Variants in CDH13 observed in about 807,000 individuals in gnomAD.
CDH13 encodes cadherin-13.
A neutral mutation model predicts 63.8 loss-of-function variants in CDH13; 24 were observed. That is an observed-to-expected ratio of 0.38 (90% confidence interval 0.27 to 0.53). The LOEUF (loss-of-function observed/expected upper bound fraction) is 0.53. Ranked by LOEUF, CDH13 falls within the 20% of genes least tolerant of loss-of-function variation. The pLI, the probability that CDH13 is intolerant of heterozygous loss-of-function variation, is 0.85. For missense variants in CDH13, 1,049 were observed against 903.1 expected (o/e 1.16, Z -2.07); for synonymous variants, 503 against 355.3 (o/e 1.42, Z -4.67).
chr16:82,849,096 C>G (rs78028820), intron 1 of CDH13, among the ~76,000 whole-genome samples: 573 of 152,302 alleles, frequency 3.8e-3, no homozygotes, highest in Middle Eastern at 6.8e-3. Context: ...AAGGCCTTAA[C>G]TCTATTCAAT....
chr16:83,128,326 G>C (rs1057415540), intron 4 of CDH13, among the ~76,000 whole-genome samples: 1 of 152,194 alleles, frequency 6.6e-6, no homozygotes, highest in Non-Finnish European at 1.5e-5. Context: ...CTGGGAGCTT[G>C]CTAGAAATGC....
chr16:82,820,760 C>G (rs543672047), intron 1 of CDH13, among the ~76,000 whole-genome samples: 2 of 152,290 alleles, frequency 1.3e-5, no homozygotes, highest in African/African-American at 4.8e-5. Context: ...AAAAGACATT[C>G]TTTATTAAGG....
intron 5 of CDH13, among the ~76,000 whole-genome samples, chr16:83,231,488 C>G (rs1178708072): frequency 6.6e-6 from 1 of 152,080 alleles, no homozygotes; most frequent in Non-Finnish European, 1.5e-5. Flanking sequence ...GTAGTGAGTC[C>G]CCTCATGGTT....
intron 7 of CDH13, among the ~76,000 whole-genome samples, chr16:83,597,253 TA>T (rs1355324202): frequency 3.3e-5 from 5 of 151,890 alleles, no homozygotes; most frequent in Non-Finnish European, 7.4e-5. Flanking sequence ...AGTAGAAACT[TA>T]GAAGCAACCC....
chr16:83,290,889 C>G (rs76156032), intron 5 of CDH13, among the ~76,000 whole-genome samples: 19 of 152,024 alleles, frequency 1.2e-4, no homozygotes, highest in Admixed American at 1.0e-3. Flanking sequence ...ATGTTTTTTT[C>G]CCATCTCTAC....
At chr16:83,624,806 C>T (rs748043023) in intron 8 of CDH13, among the ~76,000 whole-genome samples, 1 of 152,118 alleles carries the variant, frequency 6.6e-6, no homozygotes, top group Non-Finnish European at 1.5e-5. Flanking sequence ...TGTGGTGGTT[C>T]CCTGAAGAAA....
intron 3 of CDH13, among the ~76,000 whole-genome samples, chr16:83,119,992 T>C (rs1031681181): frequency 6.6e-6 from 1 of 152,158 alleles, no homozygotes; most frequent in African/African-American, 2.4e-5. Flanking sequence ...TTTCTCCTAA[T>C]GTCAGACAAA....
chr16:82,831,928 G>C (rs1487834258), intron 1 of CDH13, among the ~76,000 whole-genome samples: 1 of 152,154 alleles, frequency 6.6e-6, no homozygotes, highest in Non-Finnish European at 1.5e-5. Flanking sequence ...ATTACATCAA[G>C]GATGACCTTT....
intron 2 of CDH13, among the ~76,000 whole-genome samples, chr16:82,967,042 A>G (rs1907943937): frequency 6.6e-6 from 1 of 152,192 alleles, no homozygotes; most frequent in Admixed American, 6.5e-5. Flanking sequence ...TTTAATCTGG[A>G]AAAGTTCTTC....
intron 2 of CDH13, among the ~76,000 whole-genome samples, chr16:82,914,205 A>G (rs1425366952): frequency 1.3e-5 from 2 of 152,052 alleles, no homozygotes; most frequent in African/African-American, 4.8e-5. Context: ...AACTGATACC[A>G]CCGCCATGCA....
At chr16:83,175,412 C>T (rs4404057) in intron 4 of CDH13, among the ~76,000 whole-genome samples, 34,011 of 151,960 alleles carry the variant, frequency 0.22, 4,124 homozygotes, top group Non-Finnish European at 0.25. Context: ...ACTATTAATT[C>T]GGCTCTGTTT....
intron 1 of CDH13, among the ~76,000 whole-genome samples, chr16:82,692,315 T>C (rs888264406): frequency 1.3e-5 from 2 of 152,222 alleles, no homozygotes; most frequent in African/African-American, 2.4e-5. Context: ...AGTAAAGACA[T>C]ACCCGAGGCT....
intron 5 of CDH13, among the ~76,000 whole-genome samples, chr16:83,226,360 G>A (rs1300714701): frequency 6.6e-6 from 1 of 152,104 alleles, no homozygotes; most frequent in Non-Finnish European, 1.5e-5. Flanking sequence ...CCTCACTCAG[G>A]GCTATGGAAA....
At chr16:83,511,767 G>A (rs1019833756) in intron 7 of CDH13, among the ~76,000 whole-genome samples, 16 of 152,174 alleles carry the variant, frequency 1.1e-4, no homozygotes, top group African/African-American at 3.9e-4. Flanking sequence ...GGCAAAGGTA[G>A]GATCCTTAGA....
intron 5 of CDH13, among the ~76,000 whole-genome samples, chr16:83,343,371 C>G (rs1225635877): frequency 8.5e-5 from 13 of 152,194 alleles, no homozygotes; most frequent in Non-Finnish European, 1.8e-4. Context: ...ATTCCTTCAA[C>G]TAGTTCCCTT....
intron 7 of CDH13, among the ~76,000 whole-genome samples, chr16:83,564,398 CTT>C (rs1213115221): frequency 5.1e-4 from 14 of 27,276 alleles, no homozygotes; most frequent in African/African-American, 3.0e-3. Flanking sequence ...TGGGATGACT[CTT>C]TTTTTTTTTT....
At chr16:83,004,786 C>T (rs997614071) in intron 2 of CDH13, among the ~76,000 whole-genome samples, 4 of 152,158 alleles carry the variant, frequency 2.6e-5, no homozygotes, top group African/African-American at 9.7e-5. Context: ...AGCTACTGTG[C>T]CACCCAGCCA....
At chr16:83,777,122 C>G (rs1021494929) in intron 11 of CDH13, among the ~76,000 whole-genome samples, 1 of 152,234 alleles carries the variant, frequency 6.6e-6, no homozygotes, top group Non-Finnish European at 1.5e-5. Context: ...TCATGCCTCT[C>G]TTCATCCATG....
chr16:82,702,466 A>G (rs571480426), intron 1 of CDH13, among the ~76,000 whole-genome samples: 1 of 152,206 alleles, frequency 6.6e-6, no homozygotes, highest in Non-Finnish European at 1.5e-5. Context: ...TACCTTGTAC[A>G]CAGTGCAGGC....
Sources: allele counts gnomAD v4.1 joint callset (sites outside exome capture counted in the v4.1 genomes callset), GRCh38; gene constraint gnomAD v4.1.1; transcripts MANE v1.5; gene names NCBI Gene and HGNC (gene_info 2026-07-23, HGNC 2026-07-21).